EML4: variants seen among roughly 807,000 people sequenced by gnomAD.
EML4 encodes echinoderm microtubule-associated protein-like 4.
A neutral mutation model predicts 129.0 loss-of-function variants in EML4; 72 were observed. The ratio of observed to expected loss-of-function variants is 0.56; its 90% CI spans 0.46 to 0.68. The LOEUF (loss-of-function observed/expected upper bound fraction) is 0.68. Among genes scored for constraint, EML4 ranks in the 30% least tolerant of loss-of-function variants. The pLI is 0.00. For synonymous variants in EML4, 532 were observed against 405.0 expected (o/e 1.31, Z -3.77); for missense variants, 1,363 against 1,190.6 (o/e 1.14, Z -2.13).
chr2:42,228,996 G>A lies in EML4; in HGVS notation c.26-16509G>A, dbSNP rs549950626. Among the ~76,000 whole-genome samples the A allele has an allele frequency of 4.6e-5, 7 of 152,210 alleles. No homozygotes were observed. The South Asian group carries it at 1.5e-3, about 32-fold the overall frequency. ...CTGATGATTAAATGAAATTTAGTGA[G>A]TAAACAAATCAGTAAAATATAGTAT... is the stretch of plus-strand genomic sequence containing the variant. On this transcript the variant is annotated intron_variant, in intron 1 of 22. Transcript: ENST00000318522.
intron 6 of EML4, among the ~76,000 whole-genome samples, chr2:42,270,396 C>G (rs974026910): frequency 6.6e-6 from 1 of 152,072 alleles, no homozygotes; most frequent in Non-Finnish European, 1.5e-5. Context: ...CCATCTCTAC[C>G]AAAAATACAA....
chr2:42,191,948 A>G (rs1054538776), intron 1 of EML4, among the ~76,000 whole-genome samples: 3 of 151,938 alleles, frequency 2.0e-5, no homozygotes, highest in Non-Finnish European at 2.9e-5. Context: ...GAGACCAGCC[A>G]GGCCAACACG....
chr2:42,329,916 C>T lies in EML4; in HGVS notation c.2655C>T (p.Pro885=), dbSNP rs34697961. 3.1e-3 allele frequency: 5,059 copies of T among 1,613,986 alleles called. 11 individuals carry two copies. The highest frequency in any genetic ancestry group is 3.8e-3 in the Non-Finnish European group (4,516 of 1,179,990). The change falls in exon 23 of 23, where the codon CCC becomes CCT. Residue 885 remains proline (P), a synonymous_variant. Transcript: ENST00000318522. The part of the protein sequence containing the change: ...TVADTTLTKA[P]VSSTESVIQS... ...CGGATACTACTCTAACCAAAGCCCCCGTCTCTTCCACTGAAAGTGTCATCC... is the reference window on the plus strand; with the variant it reads ...CGGATACTACTCTAACCAAAGCCCCTGTCTCTTCCACTGAAAGTGTCATCC...
chr2:42,265,500 A>C (rs1304505215), intron 6 of EML4, among the ~76,000 whole-genome samples: 4 of 152,142 alleles, frequency 2.6e-5, no homozygotes, highest in African/African-American at 4.8e-5. Context: ...TCAGCCCCCC[A>C]AAATGCTGGG....
At chr2:42,203,603 G>A (rs1004054569) in intron 1 of EML4, among the ~76,000 whole-genome samples, 6 of 148,880 alleles carry the variant, frequency 4.0e-5, no homozygotes, top group African/African-American at 9.9e-5. Flanking sequence ...ACTAACAGCC[G>A]TTTATATACT....
chr2:42,212,390 A>G (rs1217740351), intron 1 of EML4, among the ~76,000 whole-genome samples: 1 of 152,214 alleles, frequency 6.6e-6, no homozygotes, highest in Non-Finnish European at 1.5e-5. Context: ...TCCATATTTT[A>G]ATAGCCATTT....
At chr2:42,263,621 T>G (rs1450697160) in intron 5 of EML4, among the ~76,000 whole-genome samples, 1 of 151,786 alleles carries the variant, frequency 6.6e-6, no homozygotes, top group Non-Finnish European at 1.5e-5. Flanking sequence ...GCCAGGATGG[T>G]CTCGATCTCT....
intron 1 of EML4, among the ~76,000 whole-genome samples, chr2:42,208,795 C>CT (rs370364881): frequency 0.43 from 62,030 of 144,818 alleles, 13,551 homozygotes; most frequent in East Asian, 0.75. Context: ...TTCTGTCTGG[C>CT]TTTTTTTTTT....
At chr2:42,259,242 A>G (rs1665552532) in intron 3 of EML4, among the ~76,000 whole-genome samples, 2 of 151,314 alleles carry the variant, frequency 1.3e-5, no homozygotes, top group Admixed American at 6.6e-5. Context: ...GCAAGACTTC[A>G]TCTGAAAAAA....
chr2:42,330,775 T>A lies in EML4; in HGVS notation c.*568T>A. 4.5e-6 allele frequency: 1 copy of A among 221,988 alleles called. No homozygotes were observed. Among genetic ancestry groups the A allele is most frequent in the Non-Finnish European group, 9.2e-6 (1 of 109,262 alleles). The allele number at this position is 221,988 out of a possible 1,614,324, so 13.8% of individuals were successfully genotyped here. On this transcript the variant is annotated 3_prime_UTR_variant, in exon 23 of 23. Transcript: ENST00000318522. Reference sequence around the variant, plus strand: ...TTGCCTTCTTTAAAAAATGCCGTTTTCTTACACTACCAGTGGATGTCCAGA... The same window carrying A: ...TTGCCTTCTTTAAAAAATGCCGTTTACTTACACTACCAGTGGATGTCCAGA...
intron 1 of EML4, among the ~76,000 whole-genome samples, chr2:42,189,440 C>T (rs1671453922): frequency 6.6e-6 from 1 of 152,052 alleles, no homozygotes; most frequent in African/African-American, 2.4e-5. Context: ...GTGAGCCAGG[C>T]GTGGTAGTGC....
At chr2:42,320,022 G>A (rs1200713952) in intron 19 of EML4, 12 of 152,146 alleles carry the variant, frequency 7.9e-5, no homozygotes, top group Admixed American at 7.9e-4. Context: ...TAAGTTATAT[G>A]CATTTGGAGT....
intron 21 of EML4, 63 bp from the exon 22 acceptor site, chr2:42,328,823 T>C (rs745975840): frequency 6.9e-6 from 9 of 1,310,822 alleles, no homozygotes; most frequent in East Asian, 2.4e-5. Context: ...AATAAACATA[T>C]ATAGCATCAC....
rs760351083 is a variant in EML4, at chr2:42,303,172, A to G, written c.1710A>G (p.Thr570=). 1.9e-6 allele frequency: 3 copies of G among 1,614,198 alleles called. No homozygotes were observed. Among genetic ancestry groups the G allele is most frequent in the Non-Finnish European group, 2.5e-6 (3 of 1,180,006 alleles). ...AGGCAGATCAATTTTTAGTAGGCAC[A>G]TCACGAAACTTTATTTTACGAGGAA... ...EGKADQFLVG[T]SRNFILRGTF... Residue 570 remains threonine, a synonymous_variant, in exon 15 of 23, where the codon ACA becomes ACG. Transcript: ENST00000318522.
chr2:42,200,250 G>A (rs891341691), intron 1 of EML4, among the ~76,000 whole-genome samples: 2 of 151,920 alleles, frequency 1.3e-5, no homozygotes, highest in Non-Finnish European at 2.9e-5. Flanking sequence ...GTGTGAACCC[G>A]GGAGGCGGAG....
At chr2:42,276,782 T>C (rs1157204785) in intron 6 of EML4, among the ~76,000 whole-genome samples, 2 of 152,248 alleles carry the variant, frequency 1.3e-5, no homozygotes, top group African/African-American at 4.8e-5. Context: ...CAAGTCGTAA[T>C]CTTTTCCAAA....
chr2:42,330,823 G>T lies in EML4; in HGVS notation c.*616G>T, dbSNP rs1670066016. On this transcript the variant is annotated 3_prime_UTR_variant, in exon 23 of 23. Coordinates refer to ENST00000318522, the MANE Select transcript of EML4 (RefSeq NM_019063.5). Reference sequence around the variant, plus strand: ...AGACATGCTCTTAGTCTACTAGAGAGGTGCTGCCTTTTCTAAGTCATAATG... The same window carrying T: ...AGACATGCTCTTAGTCTACTAGAGATGTGCTGCCTTTTCTAAGTCATAATG... 1 of 210,686 alleles carries T rather than the reference G, an allele frequency of 4.7e-6. No individual in the cohort carries two copies. The highest frequency in any genetic ancestry group is 7.5e-5 in the East Asian group (1 of 13,406). The allele number at this position is 210,686 out of a possible 1,614,324, so 13.1% of individuals were successfully genotyped here.
intron 1 of EML4, among the ~76,000 whole-genome samples, chr2:42,171,488 TTTC>T (rs1333270571): frequency 6.6e-6 from 1 of 152,234 alleles, no homozygotes; most frequent in Non-Finnish European, 1.5e-5. Context: ...TTGTAATAGC[TTTC>T]TTCTTTCTTA....
At chr2:42,220,714 G>GAGAT (rs1446133968) in intron 1 of EML4, among the ~76,000 whole-genome samples, 9 of 152,182 alleles carry the variant, frequency 5.9e-5, no homozygotes, top group African/African-American at 2.2e-4. Flanking sequence ...GTCAAAAGCT[G>GAGAT]AGATAGGCTG....
Sources: gnomAD v4.1 joint callset for allele counts (sites outside exome capture counted in the v4.1 genomes callset) on GRCh38, gnomAD v4.1.1 for gene constraint, MANE v1.5 for transcripts, NCBI Gene and HGNC (gene_info 2026-07-23, HGNC 2026-07-21) for gene names.